The following SND1 variants were observed in gnomAD, a reference collection of about 807,000 sequenced individuals.
SND1 encodes the protein staphylococcal nuclease domain-containing protein 1.
SND1 carries 38 observed loss-of-function variants against 121.7 expected under a neutral mutation model. That is an observed-to-expected ratio of 0.31 (90% CI 0.24 to 0.41). SND1 has a LOEUF of 0.41. SND1 is among the 10% of genes least tolerant of loss of function. The pLI is 1.00. For missense variants in SND1, 868 were observed against 1,184.6 expected (o/e 0.73, Z 3.92); for synonymous variants, 401 against 447.4 (o/e 0.90, Z 1.31).
intron 13 of SND1, among the ~76,000 whole-genome samples, chr7:127,898,801 C>T (rs1354334270): frequency 6.6e-6 from 1 of 152,086 alleles, no homozygotes; most frequent in Non-Finnish European, 1.5e-5. Flanking sequence ...TAGATTCTTG[C>T]CCATCTCTTG....
chr7:127,891,281 C>T (rs1363304928), intron 13 of SND1, among the ~76,000 whole-genome samples: 3 of 151,990 alleles, frequency 2.0e-5, no homozygotes, highest in Non-Finnish European at 4.4e-5. Flanking sequence ...TGTGTCCAGG[C>T]GGGAATGCAG....
intron 17 of SND1, among the ~76,000 whole-genome samples, chr7:128,079,478 AGGTGAGAAG>A (rs1584777501): frequency 1.3e-5 from 2 of 152,364 alleles, no homozygotes; most frequent in East Asian, 3.9e-4. Flanking sequence ...GGAGCCTGGA[AGGTGAGAAG>A]GGGTCAGGAA....
chr7:127,853,015 C>G (rs1030742091), intron 12 of SND1, among the ~76,000 whole-genome samples: 2 of 137,492 alleles, frequency 1.5e-5, no homozygotes, highest in African/African-American at 6.0e-5. Flanking sequence ...AGGTCTACTT[C>G]TCTTGGACAG....
In SND1 at chr7:127,844,267, G is replaced by A. The variant is rs972213960; in HGVS notation, c.1243-57G>A. On this transcript the variant is annotated intron_variant, in intron 11 of 23. Coordinates refer to ENST00000354725, the MANE Select transcript of SND1 (RefSeq NM_014390.4). ...CACAGTTGAGCAGGCACATGTGGCT[G>A]CTAGTGAGCTATGTTGCAGACTCTC... 54 of 1,375,580 alleles carry A rather than the reference G, an allele frequency of 3.9e-5. No homozygotes were observed. The Middle Eastern group carries it at 5.4e-4, about 14-fold the overall frequency. The allele number at this position is 1,375,580 out of a possible 1,614,324, so 85.2% of individuals were successfully genotyped here.
chr7:127,982,471 C>G (rs1354577051), intron 15 of SND1, among the ~76,000 whole-genome samples: 1 of 152,194 alleles, frequency 6.6e-6, no homozygotes, highest in African/African-American at 2.4e-5. Context: ...TCCCTTTATT[C>G]TGATCATTGA....
At chr7:127,679,657 A>G (rs1281335649) in intron 1 of SND1, among the ~76,000 whole-genome samples, 1 of 152,190 alleles carries the variant, frequency 6.6e-6, no homozygotes, top group Admixed American at 6.5e-5. Flanking sequence ...CCTTTTCTGC[A>G]CATTTCATAT....
At chr7:127,725,869 G>A (rs890044769) in intron 10 of SND1, among the ~76,000 whole-genome samples, 5 of 152,090 alleles carry the variant, frequency 3.3e-5, no homozygotes, top group African/African-American at 7.2e-5. Flanking sequence ...GTTCTAGGGC[G>A]GGCCTCCACT....
chr7:127,739,240 T>G (rs995838716), intron 10 of SND1, among the ~76,000 whole-genome samples: 4 of 152,180 alleles, frequency 2.6e-5, no homozygotes, highest in Non-Finnish European at 4.4e-5. Context: ...AATTTTAGCT[T>G]GTAGACTTCC....
chr7:127,859,626 C>G (rs1799342903), intron 12 of SND1, among the ~76,000 whole-genome samples: 2 of 152,258 alleles, frequency 1.3e-5, no homozygotes, highest in Middle Eastern at 6.8e-3. Context: ...AGTTTTCTGT[C>G]TGGGTAGTTT....
chr7:127,788,049 A>G (rs1227638885), intron 10 of SND1, among the ~76,000 whole-genome samples: 1 of 152,222 alleles, frequency 6.6e-6, no homozygotes, highest in Non-Finnish European at 1.5e-5. Context: ...TTGGTTGAAT[A>G]TGAATGTTAC....
intron 11 of SND1, among the ~76,000 whole-genome samples, chr7:127,823,193 C>T (rs1186682190): frequency 2.0e-5 from 3 of 152,160 alleles, no homozygotes; most frequent in Non-Finnish European, 4.4e-5. Flanking sequence ...AGGAAGAAGG[C>T]AGCCAGCCTT....
At chr7:127,889,774 GT>G (rs1044386291) in intron 13 of SND1, among the ~76,000 whole-genome samples, 1 of 151,952 alleles carries the variant, frequency 6.6e-6, no homozygotes, top group African/African-American at 2.4e-5. Flanking sequence ...AACATGCAGT[GT>G]TTTTTCTCTC....
Position 127,919,303 on chromosome 7 carries a change from G to A in SND1, c.1528-9885G>A, listed in dbSNP as rs183435047. Among the ~76,000 whole-genome samples the A allele has an allele frequency of 2.6e-5, 4 of 152,214 alleles. No homozygotes were observed. The East Asian group carries it at 7.7e-4, about 29-fold the overall frequency. On this transcript the variant is annotated intron_variant, in intron 14 of 23. Transcript: ENST00000354725. ...TTCTGAAGTTGCATTCTTGTGTTGG[G>A]TGGGACACAGTTAAGTGTGACATGA...
intron 16 of SND1, among the ~76,000 whole-genome samples, chr7:128,033,588 G>A (rs374123110): frequency 6.6e-6 from 1 of 152,180 alleles, no homozygotes; most frequent in South Asian, 2.1e-4. Flanking sequence ...ATACGCCATG[G>A]AATACTTGAA....
chr7:128,021,127 G>A (rs971247419), intron 16 of SND1, among the ~76,000 whole-genome samples: 8 of 152,156 alleles, frequency 5.3e-5, no homozygotes, highest in East Asian at 1.9e-4. Context: ...ATATGCAGTC[G>A]TGTCAGAAGG....
chr7:128,013,063 C>T (rs779785928), intron 16 of SND1, among the ~76,000 whole-genome samples: 1 of 152,138 alleles, frequency 6.6e-6, no homozygotes, highest in Non-Finnish European at 1.5e-5. Context: ...CTCACACAGT[C>T]AGAGTCAGCG....
chr7:127,858,393 A>G, intron 12 of SND1: 1 of 1,293,976 alleles, frequency 7.7e-7, no homozygotes, highest in Non-Finnish European at 1.1e-6. Flanking sequence ...AGGAGCTCCA[A>G]AAGTCCCTCC....
intron 14 of SND1, among the ~76,000 whole-genome samples, chr7:127,908,349 T>TGTGC (rs1800387765): frequency 7.5e-6 from 1 of 134,132 alleles, no homozygotes; most frequent in African/African-American, 2.5e-5. Flanking sequence ...TGTGTGTGTG[T>TGTGC]GTGTGTGTGT....
At chr7:128,028,167 A>G (rs975584150) in intron 16 of SND1, 2 of 153,012 alleles carry the variant, frequency 1.3e-5, no homozygotes, top group Non-Finnish European at 2.9e-5. Flanking sequence ...GGCACAGTAC[A>G]AATTCATGGT....
Sources: allele counts gnomAD v4.1 joint callset (sites outside exome capture counted in the v4.1 genomes callset), GRCh38; gene constraint gnomAD v4.1.1; transcripts MANE v1.5; gene names NCBI Gene and HGNC (gene_info 2026-07-23, HGNC 2026-07-21).